MAP1B: variants seen among roughly 807,000 people sequenced by gnomAD.
MAP1B encodes microtubule-associated protein 1B.
A neutral mutation model predicts 176.1 loss-of-function variants in MAP1B; 12 were observed. The ratio of observed to expected loss-of-function variants is 0.07; its 90% CI spans 0.04 to 0.11. The LOEUF (loss-of-function observed/expected upper bound fraction) is 0.11, where lower values mean the gene tolerates loss of function less well. Ranked by LOEUF, MAP1B falls within the 10% of genes least tolerant of loss-of-function variation. The probability of loss-of-function intolerance (pLI) is 1.00; values close to 1 mark genes in which losing one functional copy is unlikely to be tolerated. For synonymous variants in MAP1B, 1,044 were observed against 1,135.0 expected, an observed-to-expected ratio of 0.92 and a Z score of 1.61; for missense variants, 2,523 against 2,990.5, an observed-to-expected ratio of 0.84 and a Z score of 3.65.
chr5:72,196,194 G>C lies in MAP1B; in HGVS notation c.2839G>C (p.Glu947Gln). 6.2e-7 allele frequency: 1 copy of C among 1,613,550 alleles called. No individual in the cohort carries two copies. The highest frequency in any genetic ancestry group is 8.5e-7 in the Non-Finnish European group (1 of 1,180,000). The change falls in exon 5 of 7, where the codon GAA becomes CAA. Residue 947 changes from glutamate to glutamine, a missense_variant. This residue lies in a region of MAP1B where 1,925 missense variants were observed against 2,126.0 expected (regional missense o/e 0.91). Transcript: ENST00000296755. This position sits in a 1 kb window ranked among gnomAD's most constrained non-coding sequence, Gnocchi z 5.3. ...SETGDYEEKA[E>Q]TEEAEEPEED... ...GACTGGAGACTATGAAGAGAAGGCA[G>C]AAACTGAGGAGGCTGAGGAGCCAGA...
intron 4 of MAP1B, among the ~76,000 whole-genome samples, chr5:72,192,625 C>G (rs1747048470): frequency 6.6e-6 from 1 of 152,162 alleles, no homozygotes; most frequent in Non-Finnish European, 1.5e-5. Flanking sequence ...TAATCTAATA[C>G]TAGAAGGTAA....
chr5:72,178,827 A>G (rs1175532467), intron 2 of MAP1B, among the ~76,000 whole-genome samples: 2 of 152,192 alleles, frequency 1.3e-5, no homozygotes, highest in Middle Eastern at 3.4e-3. Flanking sequence ...AGAAATTTAC[A>G]TACATAGAAA....
intron 4 of MAP1B, 129 bp from the exon 5 acceptor site, chr5:72,193,737 G>A: frequency 4.1e-6 from 4 of 984,982 alleles, no homozygotes; most frequent in Middle Eastern, 2.9e-4. Context: ...CACTATGAGA[G>A]TGCATGTCTG....
At chr5:72,152,902 TG>T (rs199544072) in intron 2 of MAP1B, among the ~76,000 whole-genome samples, 1,835 of 152,248 alleles carry the variant, frequency 0.012, 28 homozygotes, top group South Asian at 0.015. Flanking sequence ...CTGGGCCTGC[TG>T]GGTCTGCTGG....
chr5:72,153,094 C>T (rs565496991), intron 2 of MAP1B, among the ~76,000 whole-genome samples: 11 of 152,286 alleles, frequency 7.2e-5, no homozygotes, highest in African/African-American at 1.9e-4. Flanking sequence ...AATTCCGACC[C>T]GACTATAGTC....
At position 72,115,805 on chromosome 5, in the gene MAP1B, G is replaced by T. The variant is rs371647795; in HGVS notation, c.286+6G>T. ...ATTCTCTCCTGAAGTCCCAGGTGAG[G>T]CTTCCGCTCAGTGTTGGTCAGCCTA... On this transcript the variant is annotated splice_donor_region_variant and intron_variant, in intron 2 of 6. Coordinates refer to ENST00000296755, the MANE Select transcript of MAP1B (RefSeq NM_005909.5). The T allele has an allele frequency of 6.3e-7, 1 of 1,596,838 alleles. No homozygotes were observed. The highest frequency in any genetic ancestry group is 1.3e-5 in the African/African-American group (1 of 74,682).
chr5:72,183,632 G>A, intron 2 of MAP1B, 111 bp from the exon 3 acceptor site: 1 of 736,532 alleles, frequency 1.4e-6, no homozygotes, highest in African/African-American at 1.7e-5. Context: ...TTTCAGTGCT[G>A]TGTACCACGT....
chr5:72,161,956 C>CAAAA (rs4043357), intron 2 of MAP1B, among the ~76,000 whole-genome samples: 46 of 84,896 alleles, frequency 5.4e-4, no homozygotes, highest in South Asian at 9.0e-4. Flanking sequence ...AATTCCGTCT[C>CAAAA]AAAAAAAAAA....
chr5:72,195,787 C>T lies in MAP1B; in HGVS notation c.2432C>T (p.Ala811Val), dbSNP rs776114140. 26 of 1,614,052 alleles carry T rather than the reference C, an allele frequency of 1.6e-5. No homozygotes were observed. In the East Asian group the frequency reaches 2.2e-4, roughly 14 times the overall value. ...TGATTAAVMA[A>V]AGIAAIGPAK... is the part of the protein sequence containing the mutation. The stretch of plus-strand genomic sequence containing the variant: ...GCCACCACAGCAGCTGTCATGGCGG[C>T]AGCTGGAATAGCAGCCATTGGCCCT... The change falls in exon 5 of 7, where the codon GCA becomes GTA. Residue 811 changes from alanine to valine, a missense_variant. Around this residue, in one of 4 missense-constraint regions of MAP1B, gnomAD observed 1,925 missense variants for 2,126.0 expected, o/e 0.91. Transcript: ENST00000296755.
intron 2 of MAP1B, among the ~76,000 whole-genome samples, chr5:72,149,679 A>G (rs780522686): frequency 4.6e-5 from 7 of 152,186 alleles, no homozygotes; most frequent in Non-Finnish European, 8.8e-5. Flanking sequence ...CTGTGCTTTT[A>G]TTCAGAACCA....
At chr5:72,164,235 A>G (rs1253207074) in intron 2 of MAP1B, among the ~76,000 whole-genome samples, 1 of 152,092 alleles carries the variant, frequency 6.6e-6, no homozygotes, top group African/African-American at 2.4e-5. Flanking sequence ...CCAGCCTGCT[A>G]TAAGACTTCT....
In MAP1B at chr5:72,207,122, A is replaced by G. The variant is rs1747469749; in HGVS notation, c.*1883A>G. 1 of 152,196 alleles carries G rather than the reference A, an allele frequency of 6.6e-6. No individual in the cohort carries two copies. The highest frequency in any genetic ancestry group is 2.4e-5 in the African/African-American group (1 of 41,446). 9.4% of individuals were successfully genotyped at this position (152,196 alleles called of 1,614,324 possible). ...AGAGAAAATTTCCATCATTGTCATC[A>G]TTGAACTGTGAACCTGGGAAGCCAG... is the stretch of plus-strand genomic sequence containing the variant. On this transcript the variant is annotated 3_prime_UTR_variant, in exon 7 of 7. Transcript: ENST00000296755.
intron 4 of MAP1B, among the ~76,000 whole-genome samples, chr5:72,192,234 T>C (rs1195687938): frequency 6.6e-6 from 1 of 152,212 alleles, no homozygotes; most frequent in Non-Finnish European, 1.5e-5. Flanking sequence ...TGCTAACTAT[T>C]GTACAAAAAA....
At chr5:72,168,458 A>T (rs1478980355) in intron 2 of MAP1B, among the ~76,000 whole-genome samples, 1 of 152,226 alleles carries the variant, frequency 6.6e-6, no homozygotes, top group Non-Finnish European at 1.5e-5. Context: ...TTTGATTAGC[A>T]TACATATGGA....
chr5:72,147,050 T>A (rs1746059552), intron 2 of MAP1B, among the ~76,000 whole-genome samples: 1 of 150,578 alleles, frequency 6.6e-6, no homozygotes, highest in Non-Finnish European at 1.5e-5. Context: ...AACCTCTGAC[T>A]CCCAGGTTCA....
chr5:72,198,502 A>G lies in MAP1B; in HGVS notation c.5147A>G (p.Asp1716Gly), dbSNP rs376206521. Residue 1716 changes from aspartate (D) to glycine (G), a missense_variant, in exon 5 of 7, where the codon GAT (aspartate) becomes GGT (glycine). This residue lies in a region of MAP1B where 1,925 missense variants were observed against 2,126.0 expected (regional missense o/e 0.91). Coordinates refer to ENST00000296755, the MANE Select transcript of MAP1B (RefSeq NM_005909.5). ...GAGCCGTCCTACACCCAAGATAATG[A>G]TCTTTCTGAGCTCATCTCAGTATCT... ...MEEPSYTQDN[D>G]LSELISVSQV... is the part of the protein sequence containing the mutation. 1.5e-5 allele frequency: 24 copies of G among 1,613,828 alleles called. No individual in the cohort carries two copies. The highest frequency in any genetic ancestry group is 1.9e-5 in the Non-Finnish European group (22 of 1,180,030).
At chr5:72,182,877 C>A (rs1277763633) in intron 2 of MAP1B, among the ~76,000 whole-genome samples, 1 of 152,170 alleles carries the variant, frequency 6.6e-6, no homozygotes, top group Non-Finnish European at 1.5e-5. Flanking sequence ...ACCAACTGGG[C>A]CACACATCTG....
At chr5:72,112,158 A>G (rs1161703039) in intron 1 of MAP1B, among the ~76,000 whole-genome samples, 1 of 152,186 alleles carries the variant, frequency 6.6e-6, no homozygotes, top group African/African-American at 2.4e-5. Flanking sequence ...GGTACTTGGA[A>G]AAAATATCCA....
chr5:72,194,435 T>C lies in MAP1B; in HGVS notation c.1080T>C (p.Asn360=), dbSNP rs373341698. Residue 360 remains asparagine (N), a synonymous_variant, in exon 5 of 7, where the codon AAT becomes AAC. Coordinates refer to ENST00000296755, the MANE Select transcript of MAP1B (RefSeq NM_005909.5). The surrounding 1 kb of genome is among the most constrained non-coding windows in gnomAD (Gnocchi z 7.2). ...ISPDLGVVFL[N]VPENLKNPEP... ...CTGACTTAGGAGTTGTATTTCTCAA[T>C]GTACCTGAAAATCTCAAAAATCCAG... The C allele has an allele frequency of 1.1e-5, 18 of 1,614,074 alleles. No homozygotes were observed. Among genetic ancestry groups the C allele is most frequent in the African/African-American group, 8.0e-5 (6 of 75,014 alleles).
Sources: allele counts gnomAD v4.1 joint callset (sites outside exome capture counted in the v4.1 genomes callset), GRCh38; gene constraint gnomAD v4.1.1; regional missense constraint gnomAD v4.1.1; non-coding constraint Gnocchi (gnomAD v3.1); transcripts MANE v1.5; gene names NCBI Gene and HGNC (gene_info 2026-07-23, HGNC 2026-07-21).